USP35: variants seen among roughly 807,000 people sequenced by gnomAD.
The protein encoded by USP35 is ubiquitin specific peptidase 35.
A neutral mutation model predicts 83.8 loss-of-function variants in USP35; 69 were observed. The ratio of observed to expected loss-of-function variants is 0.82; its 90% CI spans 0.68 to 1.01. The LOEUF (loss-of-function observed/expected upper bound fraction) is 1.01. Among genes scored for constraint, USP35 ranks in the 50% least tolerant of loss-of-function variants. The pLI, the probability that USP35 is intolerant of heterozygous loss-of-function variation, is 0.00. For missense variants in USP35, 1,503 were observed against 1,362.5 expected, an observed-to-expected ratio of 1.10 and a Z score of -1.62; for synonymous variants, 714 against 589.5, an observed-to-expected ratio of 1.21 and a Z score of -3.06.
the USP35 span, chr11:78,222,160 CGGT>C: frequency 1.2e-6 from 2 of 1,613,952 alleles, no homozygotes; most frequent in Non-Finnish European, 1.7e-6. Context: ...TCATCGATGA[CGGT>C]GTTGTTCCTC....
At chr11:78,230,669 T>A in the USP35 span, among the ~76,000 whole-genome samples, 1 of 152,244 alleles carries the variant, frequency 6.6e-6, no homozygotes, top group Admixed American at 6.5e-5. Context: ...GTGACACATG[T>A]TGAGGGAGAC....
At chr11:78,198,830 C>A in intron 3 of USP35, 1 of 367,478 alleles carries the variant, frequency 2.7e-6, no homozygotes, top group Non-Finnish European at 3.8e-6. Flanking sequence ...GGAGTATAAC[C>A]AAACCCATCA....
Position 78,189,128 on chromosome 11 carries a change from A to G in USP35, c.-40A>G. 1 of 260,068 alleles carries G rather than the reference A, an allele frequency of 3.8e-6. No individual in the cohort carries two copies. Among genetic ancestry groups the G allele is most frequent in the Non-Finnish European group, 6.0e-6 (1 of 166,676 alleles). 16.1% of individuals were successfully genotyped at this position (260,068 alleles called of 1,614,324 possible). A position where few individuals can be genotyped will look rare whatever the true frequency, so the allele number is the denominator to read the frequency against. ...GCCCGGCCTGAGCGCCCCGCCCAGCAGCCGGCTCTGGCCCACCGGGGTCCG... is the reference window on the plus strand; with the variant it reads ...GCCCGGCCTGAGCGCCCCGCCCAGCGGCCGGCTCTGGCCCACCGGGGTCCG... On this transcript the variant is annotated 5_prime_UTR_variant, in exon 1 of 11. Transcript: ENST00000529308.
At position 78,208,868 on chromosome 11, in the gene USP35, T is replaced by A; in HGVS notation, c.1497T>A (p.Ile499=). ...GFLEHSQRPA[I]SPENFLSASW... Reference sequence around the variant, plus strand: ...CTGCCTTGTCCTAGCGGCCTGCCATTTCCCCAGAGAACTTCCTCTCCGCAT... The same window carrying A: ...CTGCCTTGTCCTAGCGGCCTGCCATATCCCCAGAGAACTTCCTCTCCGCAT... The change falls in exon 9 of 11, where the codon ATT becomes ATA. Residue 499 remains isoleucine (I), a synonymous_variant. Coordinates refer to ENST00000529308, the MANE Select transcript of USP35 (RefSeq NM_020798.4). 6.2e-7 allele frequency: 1 copy of A among 1,614,126 alleles called. No individual in the cohort carries two copies. The highest frequency in any genetic ancestry group is 8.5e-7 in the Non-Finnish European group (1 of 1,179,988).
chr11:78,196,393 G>T lies in USP35; in HGVS notation c.148G>T (p.Val50Leu). 7.0e-7 allele frequency: 1 copy of T among 1,427,704 alleles called. No homozygotes were observed. The highest frequency in any genetic ancestry group is 1.5e-5 in the African/African-American group (1 of 66,198). 88.4% of individuals were successfully genotyped at this position (1,427,704 alleles called of 1,614,324 possible). A position where few individuals can be genotyped will look rare whatever the true frequency, so the allele number is the denominator to read the frequency against. The change falls in exon 2 of 11, where the codon GTG becomes TTG. Residue 50 changes from valine to leucine, a missense_variant. Coordinates refer to ENST00000529308, the MANE Select transcript of USP35 (RefSeq NM_020798.4). The surrounding 1 kb of genome is among the most constrained non-coding windows in gnomAD (Gnocchi z 4.8). ...GCTGGCGCTGGGCGCGCGCCTCTAC[G>T]TGGGCGGCGCGGAGGAGCTGCCGCG... ...ALLALGARLYVGGAEELPRRV... is the reference protein window; with the variant it reads ...ALLALGARLYLGGAEELPRRV...
intron 6 of USP35, 64 bp from the exon 7 acceptor site, chr11:78,205,778 G>A (rs1863510898): frequency 6.5e-7 from 1 of 1,543,906 alleles, no homozygotes; most frequent in African/African-American, 1.4e-5. Flanking sequence ...CCCAGAAGAG[G>A]TGGTAGTTTT....
intron 6 of USP35, among the ~76,000 whole-genome samples, chr11:78,205,615 A>C (rs1863506146): frequency 6.6e-6 from 1 of 152,048 alleles, no homozygotes; most frequent in African/African-American, 2.4e-5. Flanking sequence ...GAATTATGCC[A>C]CCTTAAGGCA....
At position 78,214,268 on chromosome 11, in the gene USP35, CTGTTTGTT is replaced by C. The variant is rs139543387; in HGVS notation, c.*461_*468del. 2.2e-5 allele frequency: 3 copies of C among 136,840 alleles called. No homozygotes were observed. The highest frequency in any genetic ancestry group is 1.5e-4 in the Admixed American group (2 of 13,524). 8.5% of individuals were successfully genotyped at this position (136,840 alleles called of 1,614,324 possible). ...GGGGGCAGTGTCTCCTCTGGCTGTC[CTGTTTGTT>C]TGTTTCTCATATGGGGGTGGGGGGT... On this transcript the variant is annotated 3_prime_UTR_variant, in exon 11 of 11. Transcript: ENST00000529308.
chr11:78,212,909 G>C (rs114108729), intron 10 of USP35, among the ~76,000 whole-genome samples: 1 of 152,172 alleles, frequency 6.6e-6, no homozygotes, highest in Non-Finnish European at 1.5e-5. Flanking sequence ...AGGATGCTTC[G>C]GGTGTGGGGG....
the USP35 span, among the ~76,000 whole-genome samples, chr11:78,233,069 T>A: frequency 1.5e-5 from 2 of 137,804 alleles, no homozygotes; most frequent in African/African-American, 5.7e-5. Context: ...TGACAAGGTC[T>A]GGCTCTATTG....
the USP35 span, among the ~76,000 whole-genome samples, chr11:78,228,580 GA>G: frequency 6.6e-6 from 1 of 152,200 alleles, no homozygotes; most frequent in South Asian, 2.1e-4. Context: ...GATGGTGTTA[GA>G]AAATAGGGGC....
chr11:78,212,820 C>T (rs988132273), intron 10 of USP35, among the ~76,000 whole-genome samples: 1 of 151,680 alleles, frequency 6.6e-6, no homozygotes, highest in Non-Finnish European at 1.5e-5. Flanking sequence ...GATTCTGTAT[C>T]ATCTAGAAAA....
chr11:78,226,558 T>C, the USP35 span: 3 of 1,575,190 alleles, frequency 1.9e-6, no homozygotes, highest in Non-Finnish European at 2.6e-6. Flanking sequence ...ATTGGCGGTC[T>C]CTGCTGAGGA....
downstream of USP35, chr11:78,219,515 A>T: frequency 9.1e-7 from 1 of 1,098,446 alleles, no homozygotes; most frequent in South Asian, 1.4e-5. Context: ...TCTGAAGGGG[A>T]GAAGAGCATG....
chr11:78,228,333 A>C, the USP35 span, among the ~76,000 whole-genome samples: 2 of 150,686 alleles, frequency 1.3e-5, no homozygotes, highest in Non-Finnish European at 2.9e-5. Context: ...CACTTGGGGA[A>C]AAAAAGAATC....
At chr11:78,217,571 C>G (rs1394490902), downstream of USP35, 1 of 152,182 alleles carries the variant, frequency 6.6e-6, no homozygotes, top group Non-Finnish European at 1.5e-5. Context: ...CTGTTCGCCC[C>G]AGGGTAGAAT....
the USP35 span, chr11:78,225,156 A>C: frequency 6.2e-7 from 1 of 1,613,666 alleles, no homozygotes; most frequent in Non-Finnish European, 8.5e-7. Context: ...ACCGGCCTGC[A>C]CTCTCTCCAC....
chr11:78,225,309 T>TA, the USP35 span: 1 of 695,398 alleles, frequency 1.4e-6, no homozygotes, highest in Non-Finnish European at 2.5e-6. Flanking sequence ...CTCCAGAAGA[T>TA]ACTACTCTCA....
chr11:78,215,561 T>C (rs1422585611), downstream of USP35: 1 of 152,544 alleles, frequency 6.6e-6, no homozygotes, highest in Non-Finnish European at 1.5e-5. Context: ...AACTCAAGAC[T>C]GGGCTTCCAC....
Sources: allele counts gnomAD v4.1 joint callset (sites outside exome capture counted in the v4.1 genomes callset), GRCh38; gene constraint gnomAD v4.1.1; non-coding constraint Gnocchi (gnomAD v3.1); transcripts MANE v1.5; gene names NCBI Gene and HGNC (gene_info 2026-07-23, HGNC 2026-07-21).